KIF1A: variants seen among roughly 807,000 people sequenced by gnomAD.
KIF1A encodes kinesin family member 1A, also known as kinesin-like protein KIF1A.
In KIF1A, 46 loss-of-function variants were observed where a neutral mutation model predicts 227.3. The ratio of observed to expected loss-of-function variants is 0.20; its 90% confidence interval spans 0.16 to 0.26. The LOEUF (loss-of-function observed/expected upper bound fraction) is 0.26. Among genes scored for constraint, KIF1A ranks in the 10% least tolerant of loss-of-function variants. The probability of loss-of-function intolerance (pLI) is 1.00; values close to 1 mark genes in which losing one functional copy is unlikely to be tolerated. For missense variants in KIF1A, 1,683 were observed against 2,485.9 expected, an observed-to-expected ratio of 0.68 and a Z score of 6.87; for synonymous variants, 1,022 against 1,012.8, an observed-to-expected ratio of 1.01 and a Z score of -0.17.
intron 38 of KIF1A, among the ~76,000 whole-genome samples, chr2:240,732,413 T>C (rs552411358): frequency 8.8e-6 from 1 of 113,852 alleles, no homozygotes; most frequent in Non-Finnish European, 1.8e-5. Context: ...GATTAGGGCG[T>C]AAGGGGAGGA....
At position 240,750,805 on chromosome 2, in the gene KIF1A, G is replaced by GC. The variant is rs34231189; in HGVS notation, c.2859-259dup. On this transcript the variant is annotated intron_variant, in intron 27 of 48. Coordinates refer to ENST00000498729, the MANE Select transcript of KIF1A (RefSeq NM_001244008.2). ...GAGAGCAGAGGCACAGTCCAGCTGGGCCCGGACCTGGCTGCCTGAGAAGGG... is the reference window on the plus strand; with the variant it reads ...GAGAGCAGAGGCACAGTCCAGCTGGGCCCCGGACCTGGCTGCCTGAGAAGGG... Among the ~76,000 whole-genome samples the GC allele has an allele frequency of 0.16, 24,267 of 152,168 alleles. 2,248 individuals are homozygous for GC. The highest frequency in any genetic ancestry group is 0.24 in the Middle Eastern group (69 of 292).
chr2:240,760,239 G>C (rs1293262836), intron 25 of KIF1A, among the ~76,000 whole-genome samples: 1 of 152,144 alleles, frequency 6.6e-6, no homozygotes, highest in Non-Finnish European at 1.5e-5. Flanking sequence ...GGAGCAAGGG[G>C]GCATTCCTTC....
rs994807087 is a variant in KIF1A, at chr2:240,725,703, C to T, written c.4123-299G>A. On this transcript the variant is annotated intron_variant, in intron 39 of 48. Coordinates refer to ENST00000498729, the MANE Select transcript of KIF1A (RefSeq NM_001244008.2). This position sits in a 1 kb window ranked among gnomAD's most constrained non-coding sequence, Gnocchi z 5.8. ...GGCTCACTGCTCGGGCCTCAGCTGC[C>T]TCACCATAAAATTGGGGTGACCCCT... 2.9e-6 allele frequency: 1 copy of T among 341,334 alleles called. No individual in the cohort carries two copies. The highest frequency in any genetic ancestry group is 5.3e-6 in the Non-Finnish European group (1 of 188,350). 21.1% of individuals were successfully genotyped at this position (341,334 alleles called of 1,614,324 possible). A position where few individuals can be genotyped will look rare whatever the true frequency, so the allele number is the denominator to read the frequency against.
chr2:240,757,733 G>T lies in KIF1A; in HGVS notation c.2583-139C>A. ...GACCATCGAGAATGCTGCTTTAAAA[G>T]ATGAGAGAACCAAAACTGTGCCCCC... On this transcript the variant is annotated intron_variant, in intron 26 of 48. Transcript: ENST00000498729. The surrounding 1 kb of genome is among the most constrained non-coding windows in gnomAD (Gnocchi z 6.2). 1 of 842,358 alleles carries T rather than the reference G, an allele frequency of 1.2e-6. No individual in the cohort carries two copies. The highest frequency in any genetic ancestry group is 1.8e-6 in the Non-Finnish European group (1 of 548,048). 52.2% of individuals were successfully genotyped at this position (842,358 alleles called of 1,614,324 possible).
At chr2:240,796,293 T>C (rs1270513785) in intron 2 of KIF1A, among the ~76,000 whole-genome samples, 1 of 152,208 alleles carries the variant, frequency 6.6e-6, no homozygotes, top group East Asian at 1.9e-4. Flanking sequence ...GAGCACTTTC[T>C]CCGACCACAA....
intron 1 of KIF1A, among the ~76,000 whole-genome samples, chr2:240,818,109 T>C (rs2058459236): frequency 6.6e-6 from 1 of 152,048 alleles, no homozygotes; most frequent in Non-Finnish European, 1.5e-5. Context: ...ACAGCAGACA[T>C]CTTGCAGGCC....
rs769148178 is a variant in KIF1A, at chr2:240,765,807, G to A, written c.1685-14C>T. On this transcript the variant is annotated splice_polypyrimidine_tract_variant and intron_variant, in intron 19 of 48. Transcript: ENST00000498729. ...AGGTCACCACAGCTACAGGAAAGGT[G>A]GGAGGGGCAGAGAGGAGGACTATGA... 1 of 1,606,414 alleles carries A rather than the reference G, an allele frequency of 6.2e-7. No homozygotes were observed. Among genetic ancestry groups the A allele is most frequent in the South Asian group, 1.1e-5 (1 of 90,922 alleles).
chr2:240,793,130 G>A lies in KIF1A; in HGVS notation c.107-3818C>T, dbSNP rs1413838987. 2.6e-5 allele frequency among the ~76,000 whole-genome samples: 4 copies of A among 152,236 alleles called. No homozygotes were observed. The highest frequency in any genetic ancestry group is 5.9e-5 in the Non-Finnish European group (4 of 68,032). On this transcript the variant is annotated intron_variant, in intron 2 of 48. Coordinates refer to ENST00000498729, the MANE Select transcript of KIF1A (RefSeq NM_001244008.2). This position sits in a 1 kb window ranked among gnomAD's most constrained non-coding sequence, Gnocchi z 4.8. ...TACTGCTGCCCGTGCAGAGGGGCTT[G>A]CCCAGGTCCCCGACTGCTCGGGATT...
intron 1 of KIF1A, among the ~76,000 whole-genome samples, chr2:240,809,500 C>A (rs1359351118): frequency 6.6e-6 from 1 of 152,082 alleles, no homozygotes; most frequent in Non-Finnish European, 1.5e-5. Flanking sequence ...GGACGGACGA[C>A]CGAACCAGCG....
At chr2:240,786,577 G>A (rs2054778844) in intron 5 of KIF1A, 64 bp from the exon 6 acceptor site, 9 of 1,511,384 alleles carry the variant, frequency 6.0e-6, no homozygotes, top group East Asian at 2.3e-5. Context: ...CCACTGGGGG[G>A]ACCCCTGAGT....
At chr2:240,791,909 C>G (rs993585442) in intron 2 of KIF1A, among the ~76,000 whole-genome samples, 1 of 149,568 alleles carries the variant, frequency 6.7e-6, no homozygotes, top group South Asian at 2.1e-4. Context: ...CCTGGCCCTG[C>G]CTACACCCCC....
At chr2:240,812,397 A>C (rs2057931915) in intron 1 of KIF1A, among the ~76,000 whole-genome samples, 1 of 152,334 alleles carries the variant, frequency 6.6e-6, no homozygotes, top group East Asian at 1.9e-4. Flanking sequence ...GGAGAGGCCC[A>C]TGCTGCAGAG....
intron 37 of KIF1A, among the ~76,000 whole-genome samples, chr2:240,738,727 C>G (rs57058294): frequency 0.065 from 9,826 of 152,268 alleles, 315 homozygotes; most frequent in Non-Finnish European, 0.075. Context: ...TCCTGTTGGC[C>G]TTTTTAGAAA....
At chr2:240,795,652 A>G (rs2056290974) in intron 2 of KIF1A, among the ~76,000 whole-genome samples, 1 of 152,104 alleles carries the variant, frequency 6.6e-6, no homozygotes, top group African/African-American at 2.4e-5. Flanking sequence ...TCTGGATCCT[A>G]TGAGGGGAAA....
intron 1 of KIF1A, among the ~76,000 whole-genome samples, chr2:240,801,580 T>C (rs1230777361): frequency 6.6e-6 from 1 of 152,182 alleles, no homozygotes; most frequent in East Asian, 1.9e-4. Flanking sequence ...AATGTTTGTG[T>C]CCCCTGTTCC....
rs371402945 is a variant in KIF1A at position 240,761,230 on chromosome 2, T to C, written c.2264A>G (p.Lys755Arg). 152 of 1,611,410 alleles carry C rather than the reference T, an allele frequency of 9.4e-5. No homozygotes were observed. The highest frequency in any genetic ancestry group is 1.2e-4 in the Non-Finnish European group (147 of 1,178,506). Residue 755 changes from lysine (K) to arginine (R), a missense_variant and splice_region_variant, in exon 24 of 49, where the codon AAG becomes AGG. Coordinates refer to ENST00000498729, the MANE Select transcript of KIF1A (RefSeq NM_001244008.2). ...ANAISVELKK[K>R]VQFQFVLLTD... ...CGGTACAGCCAGTGGGCAGCCCACC[T>C]TCTTTTTCAGCTCCACGCTGATGGC...
rs141102132 is a variant in KIF1A, at chr2:240,757,966, G to C, written c.2583-372C>G. Reference sequence around the variant, plus strand: ...GGGTGCAGACCCCAGACTGGAGACCGGGGAAGGAGGCAGCCATTTGTAAGG... The same window carrying C: ...GGGTGCAGACCCCAGACTGGAGACCCGGGAAGGAGGCAGCCATTTGTAAGG... On this transcript the variant is annotated intron_variant, in intron 26 of 48. Coordinates refer to ENST00000498729, the MANE Select transcript of KIF1A (RefSeq NM_001244008.2). The surrounding 1 kb of genome is among the most constrained non-coding windows in gnomAD (Gnocchi z 6.2). 3.9e-5 allele frequency among the ~76,000 whole-genome samples: 6 copies of C among 152,202 alleles called. No individual in the cohort carries two copies. The highest frequency in any genetic ancestry group is 8.8e-5 in the Non-Finnish European group (6 of 68,032).
intron 37 of KIF1A, 97 bp from the exon 38 acceptor site, chr2:240,737,265 C>G: frequency 1.1e-6 from 1 of 890,460 alleles, no homozygotes; most frequent in Non-Finnish European, 1.9e-6. Context: ...AAGCCAGCTC[C>G]CCACATGGTC....
Position 240,722,319 on chromosome 2 carries a change from C to T in KIF1A, c.4665+137G>A, listed in dbSNP as rs563215497. On this transcript the variant is annotated intron_variant, in intron 43 of 48. Transcript: ENST00000498729. ...TCAGTGGGCAAGGGGACCCTAGGGACCCCTCAAGCTCCTAGCTCCTGGTGG... is the reference window on the plus strand; with the variant it reads ...TCAGTGGGCAAGGGGACCCTAGGGATCCCTCAAGCTCCTAGCTCCTGGTGG... 55 of 792,488 alleles carry T rather than the reference C, an allele frequency of 6.9e-5. No homozygotes were observed. In the African/African-American group the frequency reaches 9.1e-4, roughly 13 times the overall value. 49.1% of individuals were successfully genotyped at this position (792,488 alleles called of 1,614,324 possible). A position where few individuals can be genotyped will look rare whatever the true frequency, so the allele number is the denominator to read the frequency against.
Sources: gnomAD v4.1 joint callset for allele counts (sites outside exome capture counted in the v4.1 genomes callset) on GRCh38, gnomAD v4.1.1 for gene constraint, Gnocchi (gnomAD v3.1) non-coding constraint, MANE v1.5 for transcripts, NCBI Gene and HGNC (gene_info 2026-07-23, HGNC 2026-07-21) for gene names.